The following SLC4A7 variants were observed in gnomAD, a reference collection of about 807,000 sequenced individuals.
The protein encoded by SLC4A7 is solute carrier family 4 member 7.
In SLC4A7, 51 loss-of-function variants were observed where a neutral mutation model predicts 137.6. The observed-to-expected ratio is 0.37, with a 90% CI of 0.30 to 0.47. The LOEUF (loss-of-function observed/expected upper bound fraction) is 0.47. Among genes scored for constraint, SLC4A7 ranks in the 20% least tolerant of loss-of-function variants. The pLI is 1.00. For missense variants in SLC4A7, 1,247 were observed against 1,525.4 expected (o/e 0.82, Z 3.04); for synonymous variants, 542 against 518.6 (o/e 1.05, Z -0.61).
chr3:27,480,451 AC>A (rs1282527055), intron 1 of SLC4A7, among the ~76,000 whole-genome samples: 2 of 151,956 alleles, frequency 1.3e-5, no homozygotes, highest in African/African-American at 2.4e-5. Flanking sequence ...CTGGTCTCAA[AC>A]CCCCTAGGCT....
At position 27,383,265 on chromosome 3, in the gene SLC4A7, T is replaced by C; in HGVS notation, c.3493-15A>G. On this transcript the variant is annotated splice_polypyrimidine_tract_variant and intron_variant, in intron 23 of 25. Transcript: ENST00000454389. ...CGTTCAGCTTCCTTTATAACACATG[T>C]GTGAAGAGGTTACTTTTCCCAGAAT... is the stretch of plus-strand genomic sequence containing the variant. 6.6e-7 allele frequency: 1 copy of C among 1,513,642 alleles called. No homozygotes were observed. Among genetic ancestry groups the C allele is most frequent in the South Asian group, 1.1e-5 (1 of 87,216 alleles). 93.8% of individuals were successfully genotyped at this position (1,513,642 alleles called of 1,614,324 possible). A position where few individuals can be genotyped will look rare whatever the true frequency, so the allele number is the denominator to read the frequency against.
chr3:27,404,717 T>G (rs2053159172), intron 14 of SLC4A7, 113 bp downstream of exon 14: 4 of 791,222 alleles, frequency 5.1e-6, no homozygotes, highest in Non-Finnish European at 6.0e-6. Flanking sequence ...TCAAAAATAA[T>G]GAGAATGCAT....
At chr3:27,378,894 T>C (rs2050151057) in intron 25 of SLC4A7, among the ~76,000 whole-genome samples, 1 of 152,190 alleles carries the variant, frequency 6.6e-6, no homozygotes, top group African/African-American at 2.4e-5. Flanking sequence ...TATGATAAAA[T>C]AGCTCAGATT....
chr3:27,480,600 G>A (rs545717743), intron 1 of SLC4A7, among the ~76,000 whole-genome samples: 4 of 152,010 alleles, frequency 2.6e-5, no homozygotes, highest in Non-Finnish European at 5.9e-5. Context: ...GAGATACTTA[G>A]AATAAGGCAA....
At position 27,383,246 on chromosome 3, in the gene SLC4A7, G is replaced by A. The variant is rs774809809; in HGVS notation, c.3497C>T (p.Ala1166Val). 66 of 1,603,676 alleles carry A rather than the reference G, an allele frequency of 4.1e-5. No individual in the cohort carries two copies. The highest frequency in any genetic ancestry group is 5.3e-5 in the Non-Finnish European group (62 of 1,171,854). Reference sequence around the variant, plus strand: ...ATCATCATCTTGAAGCATCCGTTCAGCTTCCTTTATAACACATGTGTGAAG... The same window carrying A: ...ATCATCATCTTGAAGCATCCGTTCAACTTCCTTTATAACACATGTGTGAAG... The part of the protein sequence containing the change: ...DDKKKKEKEE[A>V]ERMLQDDDDT... The change falls in exon 24 of 26, where the codon GCT (alanine) becomes GTT (valine). Residue 1166 changes from alanine to valine, a missense_variant. By Grantham distance (64) the Ala-to-Val change is moderately conservative (BLOSUM62 0). Transcript: ENST00000454389.
chr3:27,479,402 G>T (rs2059616121), intron 1 of SLC4A7, among the ~76,000 whole-genome samples: 1 of 148,876 alleles, frequency 6.7e-6, no homozygotes, highest in African/African-American at 2.5e-5. Flanking sequence ...CAACCCTGAG[G>T]ATGAGACCCT....
At chr3:27,426,950 A>C (rs1359231867) in intron 7 of SLC4A7, among the ~76,000 whole-genome samples, 2 of 152,252 alleles carry the variant, frequency 1.3e-5, no homozygotes, top group Non-Finnish European at 2.9e-5. Flanking sequence ...TTAAGGAAAA[A>C]AATATATGTA....
chr3:27,483,656 G>A (rs1021753897), intron 1 of SLC4A7, among the ~76,000 whole-genome samples: 2 of 152,200 alleles, frequency 1.3e-5, no homozygotes, highest in African/African-American at 2.4e-5. Context: ...ATAGGTTTTC[G>A]AGGGCTAATC....
chr3:27,443,076 G>A (rs1398635443), intron 3 of SLC4A7, among the ~76,000 whole-genome samples: 3 of 133,248 alleles, frequency 2.3e-5, no homozygotes, highest in African/African-American at 8.9e-5. Flanking sequence ...CTGTCGCCCA[G>A]GCTGGAGTGC....
intron 1 of SLC4A7, among the ~76,000 whole-genome samples, chr3:27,460,442 T>C (rs1217765357): frequency 1.3e-5 from 2 of 152,248 alleles, no homozygotes; most frequent in Non-Finnish European, 2.9e-5. Context: ...AAAACTCATA[T>C]TAAAAAGCAT....
At chr3:27,461,623 AG>A (rs1327321928) in intron 1 of SLC4A7, among the ~76,000 whole-genome samples, 329 of 151,016 alleles carry the variant, frequency 2.2e-3, no homozygotes, top group African/African-American at 7.7e-3. Context: ...AAAAAAAAAA[AG>A]AATAAATAAA....
chr3:27,385,056 CTAGT>C (rs1437336407), intron 23 of SLC4A7, among the ~76,000 whole-genome samples: 2 of 152,074 alleles, frequency 1.3e-5, no homozygotes, highest in Non-Finnish European at 1.5e-5. Context: ...TAATTAGTAT[CTAGT>C]TAAAGAATTT....
At chr3:27,482,207 A>G (rs1157667286) in intron 1 of SLC4A7, among the ~76,000 whole-genome samples, 1 of 152,208 alleles carries the variant, frequency 6.6e-6, no homozygotes, top group East Asian at 1.9e-4. Context: ...TGTAAATAAT[A>G]GTTTAAATAG....
intron 1 of SLC4A7, among the ~76,000 whole-genome samples, chr3:27,458,075 C>T (rs2058503847): frequency 6.6e-6 from 1 of 152,144 alleles, no homozygotes; most frequent in Non-Finnish European, 1.5e-5. Flanking sequence ...AGTGATTTTT[C>T]TCCAAACAAT....
intron 18 of SLC4A7, among the ~76,000 whole-genome samples, chr3:27,397,069 C>A (rs1328049096): frequency 6.6e-6 from 1 of 152,020 alleles, no homozygotes; most frequent in Non-Finnish European, 1.5e-5. Flanking sequence ...CCTCTTATTG[C>A]CCAGTCTGGA....
intron 1 of SLC4A7, among the ~76,000 whole-genome samples, chr3:27,460,020 T>TAC (rs1368482847): frequency 7.1e-6 from 1 of 140,218 alleles, no homozygotes; most frequent in Non-Finnish European, 1.6e-5. Flanking sequence ...CGTGTATATA[T>TAC]ACACATATAT....
At chr3:27,395,855 T>C (rs2052098420) in intron 18 of SLC4A7, among the ~76,000 whole-genome samples, 2 of 152,210 alleles carry the variant, frequency 1.3e-5, no homozygotes, top group African/African-American at 4.8e-5. Context: ...ACTCCTAAAC[T>C]AAACTGCTTT....
At chr3:27,390,195 A>G (rs770285150) in intron 21 of SLC4A7, 91 bp from the exon 22 acceptor site, 132 of 562,118 alleles carry the variant, frequency 2.3e-4, no homozygotes, top group Non-Finnish European at 3.1e-4. Context: ...GATTTTGTGT[A>G]TTAAATTGTA....
chr3:27,446,867 TTTTTTTTG>T (rs1333990831), intron 3 of SLC4A7, among the ~76,000 whole-genome samples: 11 of 79,452 alleles, frequency 1.4e-4, no homozygotes, highest in Admixed American at 5.6e-4. Context: ...TTAGTAGAGT[TTTTTTTTG>T]TTTTTTTTTG....
Sources: allele counts gnomAD v4.1 joint callset (sites outside exome capture counted in the v4.1 genomes callset), GRCh38; gene constraint gnomAD v4.1.1; transcripts MANE v1.5; gene names NCBI Gene and HGNC (gene_info 2026-07-23, HGNC 2026-07-21).